Variants in RASA3 observed in about 807,000 individuals in gnomAD.
The protein encoded by RASA3 is ras GTPase-activating protein 3.
Under a neutral mutation model 110.0 loss-of-function variants are expected in RASA3, and 73 were observed. The observed-to-expected ratio is 0.66, with a 90% CI of 0.55 to 0.81. The LOEUF (loss-of-function observed/expected upper bound fraction) is 0.81. Among genes scored for constraint, RASA3 ranks in the 30% least tolerant of loss-of-function variants. The pLI, the probability that RASA3 is intolerant of heterozygous loss-of-function variation, is 0.00. For missense variants in RASA3, 976 were observed against 1,113.2 expected (o/e 0.88, Z 1.75); for synonymous variants, 500 against 451.4 (o/e 1.11, Z -1.37).
chr13:114,067,826 C>T (rs961936234), intron 2 of RASA3, among the ~76,000 whole-genome samples: 1 of 152,180 alleles, frequency 6.6e-6, no homozygotes, highest in Admixed American at 6.5e-5. Context: ...CCTGGGAAGA[C>T]CCAGCTCTCC....
At chr13:114,012,630 TCC>T (rs1407453585) in intron 15 of RASA3, among the ~76,000 whole-genome samples, 1 of 106,258 alleles carries the variant, frequency 9.4e-6, no homozygotes, top group Admixed American at 1.0e-4. Context: ...CACTCCTCAT[TCC>T]ACACACACTC....
intron 21 of RASA3, among the ~76,000 whole-genome samples, chr13:113,994,074 A>C (rs1292733382): frequency 6.6e-6 from 1 of 152,218 alleles, no homozygotes; most frequent in African/African-American, 2.4e-5. Flanking sequence ...ACAATTCTTA[A>C]ATCATAAAAT....
intron 2 of RASA3, among the ~76,000 whole-genome samples, chr13:114,067,381 A>T (rs1208601286): frequency 6.6e-6 from 1 of 152,260 alleles, no homozygotes; most frequent in African/African-American, 2.4e-5. Context: ...TTTTTGTTTA[A>T]GCTCTAACTT....
intron 2 of RASA3, among the ~76,000 whole-genome samples, chr13:114,054,977 CAT>C (rs2079214797): frequency 7.3e-6 from 1 of 137,460 alleles, no homozygotes; most frequent in Non-Finnish European, 1.6e-5. Context: ...CGTGTGTGCC[CAT>C]GGGTGTGTGC....
At chr13:114,037,901 C>T (rs891344733) in intron 4 of RASA3, among the ~76,000 whole-genome samples, 13 of 152,004 alleles carry the variant, frequency 8.6e-5, no homozygotes, top group Non-Finnish European at 1.5e-4. Flanking sequence ...GAAGGGAGCA[C>T]GGCCGTCCGT....
chr13:114,055,012 G>A (rs2079215954), intron 2 of RASA3, among the ~76,000 whole-genome samples: 1 of 152,032 alleles, frequency 6.6e-6, no homozygotes, highest in Admixed American at 6.6e-5. Flanking sequence ...ATGGGTGCGT[G>A]TGCCCACAGG....
Position 114,034,828 on chromosome 13 carries a change from G to A in RASA3, c.373-4941C>T, listed in dbSNP as rs144320112. ...AAATCAGTGGGATGAAGCGGGAGCCGTGCTCGGGGTGGAGGGGAATCTGGA... is the reference window on the plus strand; with the variant it reads ...AAATCAGTGGGATGAAGCGGGAGCCATGCTCGGGGTGGAGGGGAATCTGGA... On this transcript the variant is annotated intron_variant, in intron 4 of 23. Coordinates refer to ENST00000334062, the MANE Select transcript of RASA3 (RefSeq NM_007368.4). Among the ~76,000 whole-genome samples, 724 of 152,376 alleles carry A rather than the reference G, an allele frequency of 4.8e-3. 4 individuals are homozygous for A. The highest frequency in any genetic ancestry group is 0.016 in the African/African-American group (668 of 41,592).
intron 1 of RASA3, among the ~76,000 whole-genome samples, chr13:114,128,493 T>C (rs756644867): frequency 3.9e-5 from 6 of 152,186 alleles, no homozygotes; most frequent in Non-Finnish European, 7.4e-5. Context: ...GGAGGCACAG[T>C]CCAGGGGACC....
chr13:113,990,814 C>T (rs1466971792), intron 22 of RASA3, among the ~76,000 whole-genome samples: 1 of 152,248 alleles, frequency 6.6e-6, no homozygotes, highest in African/African-American at 2.4e-5. Context: ...TGTCTGCACA[C>T]ACATGTACCT....
chr13:113,982,249 G>GCC (rs1256321543), intron 22 of RASA3, among the ~76,000 whole-genome samples: 3 of 152,240 alleles, frequency 2.0e-5, no homozygotes, highest in Non-Finnish European at 4.4e-5. Flanking sequence ...CGCTGGGCTG[G>GCC]CTCATGGGCC....
chr13:114,021,910 G>T (rs999434753), intron 8 of RASA3, among the ~76,000 whole-genome samples: 21 of 151,982 alleles, frequency 1.4e-4, no homozygotes, highest in African/African-American at 4.6e-4. Flanking sequence ...GAGGGAGCCA[G>T]GCGTCGCTCT....
intron 9 of RASA3, among the ~76,000 whole-genome samples, chr13:114,019,557 G>A (rs1195835840): frequency 6.6e-6 from 1 of 151,734 alleles, no homozygotes; most frequent in Admixed American, 6.6e-5. Context: ...CCCGTCAGGT[G>A]GGTGGAGCCT....
intron 1 of RASA3, among the ~76,000 whole-genome samples, chr13:114,078,682 CAGTG>C (rs2079732085): frequency 1.3e-5 from 2 of 152,254 alleles, no homozygotes; most frequent in Non-Finnish European, 2.9e-5. Flanking sequence ...AGGGATCAGG[CAGTG>C]AGTAACAAAA....
chr13:114,013,796 A>C (rs1289985674), intron 14 of RASA3, among the ~76,000 whole-genome samples: 186 of 49,242 alleles, frequency 3.8e-3, no homozygotes, highest in Admixed American at 5.3e-3. Context: ...CTCTCTCCCT[A>C]ACTCCATCTC....
intron 12 of RASA3, among the ~76,000 whole-genome samples, chr13:114,016,970 G>A (rs1190712543): frequency 2.0e-5 from 3 of 152,220 alleles, no homozygotes; most frequent in Non-Finnish European, 4.4e-5. Context: ...TCCCTGGGAA[G>A]AGCCAGGCTT....
chr13:113,991,936 CAT>C (rs1261027470), intron 22 of RASA3, among the ~76,000 whole-genome samples: 12 of 108,796 alleles, frequency 1.1e-4, no homozygotes, highest in Non-Finnish European at 1.6e-4. Flanking sequence ...ATGTCATGTC[CAT>C]ACATTCACAC....
chr13:114,040,316 C>A, intron 4 of RASA3, among the ~76,000 whole-genome samples: 1 of 147,256 alleles, frequency 6.8e-6, no homozygotes, highest in Non-Finnish European at 1.5e-5. Context: ...TCACTCCGAG[C>A]ACAAGCGGGC....
At chr13:114,002,809 G>A (rs915858888) in intron 18 of RASA3, among the ~76,000 whole-genome samples, 16 of 152,224 alleles carry the variant, frequency 1.1e-4, no homozygotes, top group Non-Finnish European at 1.9e-4. Flanking sequence ...CATCGCGCGT[G>A]TGGGACGGGG....
intron 4 of RASA3, among the ~76,000 whole-genome samples, chr13:114,030,480 A>AG (rs1456179577): frequency 0.018 from 2,336 of 132,228 alleles, 135 homozygotes; most frequent in East Asian, 0.049. Context: ...AGGCTCACAC[A>AG]GAGGGCAAGA....
Sources: allele counts gnomAD v4.1 joint callset (sites outside exome capture counted in the v4.1 genomes callset), GRCh38; gene constraint gnomAD v4.1.1; transcripts MANE v1.5; gene names NCBI Gene and HGNC (gene_info 2026-07-23, HGNC 2026-07-21).